PC: variants seen among roughly 807,000 people sequenced by gnomAD.
PC encodes the protein pyruvate carboxylase, mitochondrial.
A neutral mutation model predicts 107.8 loss-of-function variants in PC; 46 were observed. The ratio of observed to expected loss-of-function variants is 0.43; its 90% CI spans 0.34 to 0.55. PC has a LOEUF of 0.55. Ranked by LOEUF, PC falls within the 20% of genes least tolerant of loss-of-function variation. PC has a pLI of 0.04. For synonymous variants in PC, 662 were observed against 684.7 expected (o/e 0.97, Z 0.52); for missense variants, 1,241 against 1,643.1 (o/e 0.76, Z 4.23).
chr11:66,927,659 G>A (rs543577452), intron 3 of PC, among the ~76,000 whole-genome samples: 20 of 151,570 alleles, frequency 1.3e-4, no homozygotes, highest in African/African-American at 4.9e-4. Context: ...GGAGGCAGTG[G>A]TTGCAGTGAG....
intron 3 of PC, among the ~76,000 whole-genome samples, chr11:66,947,711 C>T (rs536765729): frequency 1.7e-4 from 26 of 152,054 alleles, no homozygotes; most frequent in Non-Finnish European, 3.2e-4. Context: ...GCAGGTAATC[C>T]CAACACTTTT....
At chr11:66,935,009 T>A (rs1948959552) in intron 3 of PC, among the ~76,000 whole-genome samples, 1 of 152,200 alleles carries the variant, frequency 6.6e-6, no homozygotes. Flanking sequence ...AAGCATGTAT[T>A]TTGTCCAGCA....
At position 66,850,303 on chromosome 11, in the gene PC, G is replaced by A; in HGVS notation, c.2635C>T (p.His879Tyr). Residue 879 changes from histidine (H) to tyrosine (Y), a missense_variant, in exon 19 of 23, where the codon CAC becomes TAC. His to Tyr is a moderately conservative substitution (Grantham distance 83, BLOSUM62 2). Transcript: ENST00000393960. ...AACTTGGAGCCAAGCCCCATGCTGT[G>A]GGCCTGGAAGTGCAGGTTGGTGTAC... ...GQYTNLHFQA[H>Y]SMGLGSKFKE... 6.2e-7 allele frequency: 1 copy of A among 1,614,116 alleles called. No individual in the cohort carries two copies. Among genetic ancestry groups the A allele is most frequent in the South Asian group, 1.1e-5 (1 of 91,080 alleles).
chr11:66,890,225 G>C (rs1056263424), intron 3 of PC, among the ~76,000 whole-genome samples: 14 of 152,294 alleles, frequency 9.2e-5, no homozygotes, highest in Middle Eastern at 3.4e-3. Context: ...AGAACACAGT[G>C]ATCTATGAAC....
At chr11:66,942,475 T>C (rs1803383081) in intron 3 of PC, among the ~76,000 whole-genome samples, 2 of 151,802 alleles carry the variant, frequency 1.3e-5, no homozygotes, top group African/African-American at 2.4e-5. Flanking sequence ...ATGTGAAATA[T>C]GCCAGTCACA....
chr11:66,903,156 G>A (rs1269419066), intron 3 of PC, among the ~76,000 whole-genome samples: 1 of 152,232 alleles, frequency 6.6e-6, no homozygotes, highest in Non-Finnish European at 1.5e-5. Context: ...GACCTGCGGT[G>A]GTGAGTGGAT....
chr11:66,944,545 T>A (rs1193884099), intron 3 of PC, among the ~76,000 whole-genome samples: 1 of 115,420 alleles, frequency 8.7e-6, no homozygotes, highest in South Asian at 2.5e-4. Context: ...CACCACTGCA[T>A]CCATCCTGGG....
In PC at chr11:66,848,943, C is replaced by G; in HGVS notation, c.3493G>C (p.Asp1165His). Residue 1165 changes from aspartate (D) to histidine (H), a missense_variant, in exon 23 of 23, where the codon GAC becomes CAC. Asp to His is a moderately conservative substitution (Grantham distance 81). This residue lies in a region of PC where 98 missense variants were observed against 91.2 expected (regional missense o/e 1.07). Transcript: ENST00000393960. ...GTVRKVHVTK[D>H]MTLEGDDLIL... is the part of the protein sequence containing the mutation. ...AGGTCGTCACCTTCCAGTGTCATGT[C>G]CTTGGTCACATGAACCTTGCGGACA... 1 of 1,614,036 alleles carries G rather than the reference C, an allele frequency of 6.2e-7. No homozygotes were observed. Among genetic ancestry groups the G allele is most frequent in the Non-Finnish European group, 8.5e-7 (1 of 1,180,022 alleles).
In PC at chr11:66,871,537, C is replaced by T. The variant is rs1734597068; in HGVS notation, c.322-57G>A. On this transcript the variant is annotated intron_variant, in intron 5 of 22. Transcript: ENST00000393960. This position sits in a 1 kb window ranked among gnomAD's most constrained non-coding sequence, Gnocchi z 7.4. ...CTTGCAGTCCCTTCCAAGGCCTCGG[C>T]CAGCCTCTTCCCCTGCCTAACCTGC... The T allele has an allele frequency of 6.2e-7, 1 of 1,605,916 alleles. No individual in the cohort carries two copies. Among genetic ancestry groups the T allele is most frequent in the Admixed American group, 1.7e-5 (1 of 59,988 alleles).
chr11:66,872,612 G>C (rs1175624459), intron 3 of PC, among the ~76,000 whole-genome samples: 1 of 151,904 alleles, frequency 6.6e-6, no homozygotes, highest in Non-Finnish European at 1.5e-5. Flanking sequence ...GCGGGCATCT[G>C]TAGTCCCAGC....
At chr11:66,950,474 G>A (rs958562664) in intron 3 of PC, among the ~76,000 whole-genome samples, 1 of 152,154 alleles carries the variant, frequency 6.6e-6, no homozygotes, top group Non-Finnish European at 1.5e-5. Context: ...CTGGGGTAAC[G>A]CCTTCAGGCA....
At chr11:66,939,131 C>T (rs1397066182) in intron 3 of PC, among the ~76,000 whole-genome samples, 1 of 152,118 alleles carries the variant, frequency 6.6e-6, no homozygotes, top group African/African-American at 2.4e-5. Flanking sequence ...TCCACATCCA[C>T]TCATTCAACC....
intron 3 of PC, among the ~76,000 whole-genome samples, chr11:66,903,836 T>G (rs1371565643): frequency 2.1e-5 from 3 of 145,902 alleles, no homozygotes; most frequent in Non-Finnish European, 4.5e-5. Context: ...ATTTTTTTTT[T>G]TTTTATTTAG....
Position 66,858,810 on chromosome 11 carries a change from C to G in PC, c.1368+4964G>C, listed in dbSNP as rs775414771. The G allele has an allele frequency of 3.2e-6, 5 of 1,549,754 alleles. No individual in the cohort carries two copies. In the African/African-American group the frequency reaches 6.8e-5, roughly 21 times the overall value. On this transcript the variant is annotated intron_variant, in intron 12 of 22. Coordinates refer to ENST00000393960, the MANE Select transcript of PC (RefSeq NM_001040716.2). The surrounding 1 kb of genome is among the most constrained non-coding windows in gnomAD (Gnocchi z 5.9). ...GGGCTACACCTGCATCGCCACCAAC[C>G]CTGCTGGTGAGGCCACAGCCCGAGT...
rs926452795 is a variant in PC, at chr11:66,948,174, T to A, written c.-1+4256A>T. On this transcript the variant is annotated intron_variant, in intron 3 of 22. Coordinates refer to ENST00000393960, the MANE Select transcript of PC (RefSeq NM_001040716.2). ...GTGAGCTATGATCACGCCGCTATAT[T>A]CCAGCTTGGGTGACAGAGCAAGACT... Among the ~76,000 whole-genome samples the A allele has an allele frequency of 4.6e-5, 7 of 150,590 alleles. No homozygotes were observed. In the South Asian group the frequency reaches 1.5e-3, roughly 32 times the overall value.
chr11:66,927,343 T>C (rs1349642111), intron 3 of PC, among the ~76,000 whole-genome samples: 1 of 150,730 alleles, frequency 6.6e-6, no homozygotes, highest in African/African-American at 2.4e-5. Context: ...CGTACTCCTC[T>C]GGTTTTCATT....
rs377281064 is a variant in PC at position 66,849,764 on chromosome 11, A to G, written c.2994T>C (p.His998=). The G allele has an allele frequency of 1.2e-6, 2 of 1,614,124 alleles. No homozygotes were observed. The highest frequency in any genetic ancestry group is 1.7e-6 in the Non-Finnish European group (2 of 1,180,018). The change falls in exon 21 of 23, where the codon CAT becomes CAC. Residue 998 remains histidine, a synonymous_variant. Coordinates refer to ENST00000393960, the MANE Select transcript of PC (RefSeq NM_001040716.2). The part of the protein sequence containing the change: ...QALEKELVDR[H]GEEVTPEDVL... ...CATCTTCCGGCGTCACCTCCTCCCC[A>G]TGCCGGTCTACCAGCTCCTTCTCCA...
intron 3 of PC, among the ~76,000 whole-genome samples, chr11:66,941,354 G>A (rs1397121102): frequency 1.3e-5 from 2 of 152,142 alleles, no homozygotes; most frequent in East Asian, 1.9e-4. Context: ...CAAAAGAACT[G>A]AAAGCAAAGT....
intron 11 of PC, 96 bp from the exon 12 acceptor site, chr11:66,864,052 G>A: frequency 8.1e-7 from 1 of 1,236,054 alleles, no homozygotes; most frequent in Non-Finnish European, 1.2e-6. Context: ...CCCAGCAGCT[G>A]CTGAGAGCAG....
Sources: allele counts gnomAD v4.1 joint callset (sites outside exome capture counted in the v4.1 genomes callset), GRCh38; gene constraint gnomAD v4.1.1; regional missense constraint gnomAD v4.1.1; non-coding constraint Gnocchi (gnomAD v3.1); transcripts MANE v1.5; gene names NCBI Gene and HGNC (gene_info 2026-07-23, HGNC 2026-07-21).